The following SMYD3 variants were observed in gnomAD, a reference collection of about 807,000 sequenced individuals.
SMYD3 encodes SET and MYND domain containing 3.
SMYD3 carries 36 observed loss-of-function variants against 57.7 expected under a neutral mutation model. The observed-to-expected ratio is 0.62, with a 90% CI of 0.48 to 0.82. The LOEUF (loss-of-function observed/expected upper bound fraction) is 0.82. SMYD3 is among the 40% of genes least tolerant of loss of function. The probability of loss-of-function intolerance (pLI) is 0.00; values close to 1 mark genes in which losing one functional copy is unlikely to be tolerated. For missense variants in SMYD3, 515 were observed against 538.8 expected (o/e 0.96, Z 0.44); for synonymous variants, 211 against 195.0 (o/e 1.08, Z -0.68).
At chr1:246,441,857 C>T (rs761618591) in intron 1 of SMYD3, among the ~76,000 whole-genome samples, 1 of 152,240 alleles carries the variant, frequency 6.6e-6, no homozygotes, top group Non-Finnish European at 1.5e-5. Context: ...AGTGATCCTC[C>T]CGCCTCGGGC....
chr1:246,148,952 C>T (rs898711498), intron 5 of SMYD3, among the ~76,000 whole-genome samples: 108 of 152,278 alleles, frequency 7.1e-4, no homozygotes, highest in African/African-American at 2.5e-3. Flanking sequence ...GGCAGGAAAA[C>T]CCTACAACTC....
intron 10 of SMYD3, among the ~76,000 whole-genome samples, chr1:245,842,612 A>G (rs931017576): frequency 1.3e-5 from 2 of 152,198 alleles, no homozygotes; most frequent in African/African-American, 4.8e-5. Flanking sequence ...AAAGAAACTT[A>G]ACTTATATCC....
chr1:246,325,046 G>A (rs2065318695), intron 5 of SMYD3, among the ~76,000 whole-genome samples: 2 of 67,188 alleles, frequency 3.0e-5, no homozygotes, highest in Non-Finnish European at 5.5e-5. Flanking sequence ...GGAGTCGGGG[G>A]GCAGGAAGGA....
chr1:246,268,671 A>T (rs1459256950), intron 5 of SMYD3, among the ~76,000 whole-genome samples: 1 of 152,002 alleles, frequency 6.6e-6, no homozygotes, highest in Non-Finnish European at 1.5e-5. Flanking sequence ...GCCACTGCAC[A>T]CCAGCCTGAG....
At chr1:246,482,421 C>T (rs539683755) in intron 1 of SMYD3, among the ~76,000 whole-genome samples, 2 of 152,158 alleles carry the variant, frequency 1.3e-5, no homozygotes, top group East Asian at 1.9e-4. Context: ...CATACATAAG[C>T]ATCATGTGGC....
chr1:246,230,473 C>T (rs939222850), intron 5 of SMYD3, among the ~76,000 whole-genome samples: 1 of 152,168 alleles, frequency 6.6e-6, no homozygotes, highest in Admixed American at 6.6e-5. Context: ...GGCTAGAATG[C>T]TGTCCTATCT....
intron 1 of SMYD3, among the ~76,000 whole-genome samples, chr1:246,424,095 A>G (rs1477000741): frequency 6.6e-6 from 1 of 152,212 alleles, no homozygotes; most frequent in Non-Finnish European, 1.5e-5. Context: ...CTGGAAACAG[A>G]TGAATACAAA....
chr1:246,148,484 C>A (rs1202201301), intron 5 of SMYD3, among the ~76,000 whole-genome samples: 1 of 152,132 alleles, frequency 6.6e-6, no homozygotes, highest in Non-Finnish European at 1.5e-5. Flanking sequence ...TCTTCTTCAC[C>A]TTCCACTTCT....
intron 10 of SMYD3, among the ~76,000 whole-genome samples, chr1:245,770,057 G>A (rs1405471585): frequency 1.3e-5 from 2 of 152,204 alleles, no homozygotes; most frequent in Non-Finnish European, 2.9e-5. Context: ...TCCAGCAATG[G>A]TGGAGTAGCT....
intron 5 of SMYD3, among the ~76,000 whole-genome samples, chr1:246,162,443 G>A (rs570431141): frequency 6.1e-4 from 93 of 152,276 alleles, no homozygotes; most frequent in East Asian, 3.1e-3. Flanking sequence ...CTACTGCCAC[G>A]TAAGGCATAT....
intron 1 of SMYD3, among the ~76,000 whole-genome samples, chr1:246,424,171 T>C (rs2067185278): frequency 6.6e-6 from 1 of 152,120 alleles, no homozygotes; most frequent in Non-Finnish European, 1.5e-5. Context: ...ACAAGTAAAA[T>C]GCATGATAAA....
intron 7 of SMYD3, among the ~76,000 whole-genome samples, chr1:245,924,467 A>C (rs1372683800): frequency 6.6e-6 from 1 of 152,182 alleles, no homozygotes; most frequent in Non-Finnish European, 1.5e-5. Flanking sequence ...ACATGGGGTG[A>C]GAAATTTCCA....
chr1:245,792,629 C>T (rs2047323637), intron 10 of SMYD3, among the ~76,000 whole-genome samples: 1 of 152,182 alleles, frequency 6.6e-6, no homozygotes, highest in African/African-American at 2.4e-5. Flanking sequence ...TAATGGGGAA[C>T]ATAGTCCATC....
intron 5 of SMYD3, among the ~76,000 whole-genome samples, chr1:246,243,613 T>C (rs1309338432): frequency 1.3e-5 from 2 of 151,966 alleles, no homozygotes; most frequent in African/African-American, 4.8e-5. Context: ...GTACATTATA[T>C]ATATGAATAT....
chr1:245,818,048 G>T (rs999625571), intron 10 of SMYD3, among the ~76,000 whole-genome samples: 5 of 151,728 alleles, frequency 3.3e-5, no homozygotes, highest in African/African-American at 1.2e-4. Flanking sequence ...TACAGAGAAC[G>T]CCACAAAGAT....
chr1:245,993,777 T>A (rs12095139), intron 5 of SMYD3, among the ~76,000 whole-genome samples: 76,918 of 152,016 alleles, frequency 0.51, 23,298 homozygotes, highest in Middle Eastern at 0.7. Context: ...TAATGGGCAT[T>A]GAATTTTAGT....
intron 2 of SMYD3, among the ~76,000 whole-genome samples, chr1:246,342,888 A>G (rs575596548): frequency 6.6e-6 from 1 of 152,310 alleles, no homozygotes; most frequent in East Asian, 1.9e-4. Context: ...TAAGTCAATC[A>G]TCATCTACTG....
At chr1:245,776,470 A>G (rs2148119552) in intron 10 of SMYD3, among the ~76,000 whole-genome samples, 1 of 152,362 alleles carries the variant, frequency 6.6e-6, no homozygotes, top group East Asian at 1.9e-4. Flanking sequence ...AGAAGATGAA[A>G]TATAGTTTGG....
At chr1:245,771,578 T>C (rs2046339351) in intron 10 of SMYD3, among the ~76,000 whole-genome samples, 1 of 152,100 alleles carries the variant, frequency 6.6e-6, no homozygotes, top group African/African-American at 2.4e-5. Flanking sequence ...ACTTGATAGC[T>C]AGAATAATAG....
Sources: allele counts gnomAD v4.1 joint callset (sites outside exome capture counted in the v4.1 genomes callset), GRCh38; gene constraint gnomAD v4.1.1; transcripts MANE v1.5; gene names NCBI Gene and HGNC (gene_info 2026-07-23, HGNC 2026-07-21).